Variants in RAB18 observed in about 807,000 individuals in gnomAD.
RAB18 encodes the protein RAB18, member RAS oncogene family.
In RAB18, 10 loss-of-function variants were observed where a neutral mutation model predicts 28.5. That is an observed-to-expected ratio of 0.35 (90% CI 0.22 to 0.60). RAB18 has a LOEUF of 0.60. Among genes scored for constraint, RAB18 ranks in the 20% least tolerant of loss-of-function variants. The pLI, the probability that RAB18 is intolerant of heterozygous loss-of-function variation, is 0.78. For missense variants in RAB18, 188 were observed against 244.2 expected, an observed-to-expected ratio of 0.77 and a Z score of 1.53; for synonymous variants, 93 against 86.9, an observed-to-expected ratio of 1.07 and a Z score of -0.39.
intron 2 of RAB18, among the ~76,000 whole-genome samples, chr10:27,517,321 C>T (rs1182776993): frequency 6.6e-6 from 1 of 152,036 alleles, no homozygotes; most frequent in Non-Finnish European, 1.5e-5. Flanking sequence ...CGAGATTGTG[C>T]CACTGCACTG....
At chr10:27,505,467 A>G (rs1294540574) in intron 1 of RAB18, among the ~76,000 whole-genome samples, 1 of 152,232 alleles carries the variant, frequency 6.6e-6, no homozygotes. Context: ...CTCTCCTCAA[A>G]TAACTTGTAA....
intron 6 of RAB18, among the ~76,000 whole-genome samples, chr10:27,536,958 A>G (rs1050305494): frequency 2.0e-5 from 3 of 152,242 alleles, no homozygotes; most frequent in African/African-American, 7.2e-5. Flanking sequence ...TGGCTACAAG[A>G]AGGGCATGTG....
At chr10:27,518,510 A>G (rs1489111975) in intron 2 of RAB18, among the ~76,000 whole-genome samples, 1 of 152,154 alleles carries the variant, frequency 6.6e-6, no homozygotes, top group Non-Finnish European at 1.5e-5. Flanking sequence ...ATGACTAATG[A>G]GGTTGAGTAT....
chr10:27,508,945 A>G (rs1427151623), intron 1 of RAB18, among the ~76,000 whole-genome samples: 1 of 152,212 alleles, frequency 6.6e-6, no homozygotes, highest in Non-Finnish European at 1.5e-5. Flanking sequence ...ACATGAGGGA[A>G]GATTGAATGA....
At chr10:27,529,562 C>T (rs1393794848) in intron 3 of RAB18, among the ~76,000 whole-genome samples, 1 of 151,884 alleles carries the variant, frequency 6.6e-6, no homozygotes, top group Non-Finnish European at 1.5e-5. Flanking sequence ...CACTTTCACT[C>T]CCTACATCTA....
intron 1 of RAB18, among the ~76,000 whole-genome samples, chr10:27,505,557 CTTAT>C (rs927257785): frequency 1.3e-5 from 2 of 152,068 alleles, no homozygotes; most frequent in African/African-American, 4.8e-5. Flanking sequence ...ATATTATTTA[CTTAT>C]TTATTTATTT....
At chr10:27,506,209 C>T (rs1343245040) in intron 1 of RAB18, among the ~76,000 whole-genome samples, 1 of 152,104 alleles carries the variant, frequency 6.6e-6, no homozygotes, top group Non-Finnish European at 1.5e-5. Context: ...TGTAGTTCAA[C>T]CCAATACATG....
At chr10:27,531,711 C>T (rs1834792061) in intron 3 of RAB18, 1 of 677,692 alleles carries the variant, frequency 1.5e-6, no homozygotes, top group African/African-American at 1.8e-5. Flanking sequence ...ACCTTGAATC[C>T]ATAGTCCAAG....
At chr10:27,516,506 C>G (rs1345154041) in intron 2 of RAB18, among the ~76,000 whole-genome samples, 1 of 150,644 alleles carries the variant, frequency 6.6e-6, no homozygotes, top group East Asian at 1.9e-4. Flanking sequence ...TGCAGTGAGC[C>G]AAGATCGCAC....
intron 2 of RAB18, among the ~76,000 whole-genome samples, chr10:27,518,151 T>G (rs2477314): frequency 0.97 from 147,360 of 152,232 alleles, 71,486 homozygotes; most frequent in East Asian, 1. Context: ...TGAGACATTT[T>G]TGTTGTTTCC....
In RAB18 at chr10:27,541,555, C is replaced by T. The variant is rs1351788168; in HGVS notation, c.*3504C>T. On this transcript the variant is annotated 3_prime_UTR_variant, in exon 7 of 7. Transcript: ENST00000356940. ...GAATGTAAGCACACACACACCTACACACATATTTTGAATAGTCGTGTGTTC... is the reference window on the plus strand; with the variant it reads ...GAATGTAAGCACACACACACCTACATACATATTTTGAATAGTCGTGTGTTC... 6.6e-6 allele frequency: 3 copies of T among 453,754 alleles called. No homozygotes were observed. Among genetic ancestry groups the T allele is most frequent in the African/African-American group, 6.0e-5 (3 of 49,916 alleles). The allele number at this position is 453,754 out of a possible 1,614,324, so 28.1% of individuals were successfully genotyped here.
Position 27,539,233 on chromosome 10 carries a change from A to G in RAB18, c.*1182A>G. Reference sequence around the variant, plus strand: ...TTCATGTGTTATTTAATTTACACTGATCTCTGCTATTTTAACCCCCCAAAT... The same window carrying G: ...TTCATGTGTTATTTAATTTACACTGGTCTCTGCTATTTTAACCCCCCAAAT... On this transcript the variant is annotated 3_prime_UTR_variant, in exon 7 of 7. Transcript: ENST00000356940. 1 of 321,856 alleles carries G rather than the reference A, an allele frequency of 3.1e-6. No homozygotes were observed. Among genetic ancestry groups the G allele is most frequent in the Non-Finnish European group, 6.0e-6 (1 of 166,300 alleles). 19.9% of individuals were successfully genotyped at this position (321,856 alleles called of 1,614,324 possible).
intron 2 of RAB18, among the ~76,000 whole-genome samples, chr10:27,516,761 T>C (rs1164843886): frequency 6.6e-6 from 1 of 152,010 alleles, no homozygotes; most frequent in Non-Finnish European, 1.5e-5. Context: ...AGGGAAGCAG[T>C]AAAAAAATAT....
chr10:27,530,779 C>T (rs1319521252), intron 3 of RAB18, among the ~76,000 whole-genome samples: 1 of 151,772 alleles, frequency 6.6e-6, no homozygotes, highest in East Asian at 1.9e-4. Flanking sequence ...ATAGTAGTTA[C>T]ATCTTTTGGC....
intron 3 of RAB18, among the ~76,000 whole-genome samples, chr10:27,527,412 A>G (rs941717753): frequency 2.6e-5 from 4 of 151,892 alleles, no homozygotes; most frequent in African/African-American, 9.7e-5. Context: ...CCGTTACTGT[A>G]CTAGCTAGAC....
chr10:27,518,432 A>G (rs550283485), intron 2 of RAB18, among the ~76,000 whole-genome samples: 1 of 152,176 alleles, frequency 6.6e-6, no homozygotes, highest in East Asian at 1.9e-4. Flanking sequence ...TTAAATTTTA[A>G]CCATATTTTC....
chr10:27,511,447 C>G (rs912661710), intron 2 of RAB18, among the ~76,000 whole-genome samples: 12 of 152,166 alleles, frequency 7.9e-5, no homozygotes, highest in Non-Finnish European at 1.8e-4. Flanking sequence ...CTCAAGTGAT[C>G]TACCCACCTC....
chr10:27,512,584 G>A (rs1451613989), intron 2 of RAB18, among the ~76,000 whole-genome samples: 4 of 152,120 alleles, frequency 2.6e-5, no homozygotes, highest in African/African-American at 9.7e-5. Flanking sequence ...GAGATTATAG[G>A]TGTGAGCCAC....
At chr10:27,517,553 C>T (rs188078191) in intron 2 of RAB18, among the ~76,000 whole-genome samples, 10 of 152,280 alleles carry the variant, frequency 6.6e-5, no homozygotes, top group Admixed American at 2.6e-4. Context: ...CAATCTCAGA[C>T]TTGACAACAA....
Sources: gnomAD v4.1 joint callset for allele counts (sites outside exome capture counted in the v4.1 genomes callset) on GRCh38, gnomAD v4.1.1 for gene constraint, MANE v1.5 for transcripts, NCBI Gene and HGNC (gene_info 2026-07-23, HGNC 2026-07-21) for gene names.